Variants in NRG1 observed in about 807,000 individuals in gnomAD.
The protein encoded by NRG1 is neuregulin 1.
A neutral mutation model predicts 63.8 loss-of-function variants in NRG1; 18 were observed. That is an observed-to-expected ratio of 0.28 (90% CI 0.19 to 0.42). NRG1 has a LOEUF of 0.42. NRG1 is among the 10% of genes least tolerant of loss of function. The pLI, the probability that NRG1 is intolerant of heterozygous loss-of-function variation, is 1.00. For synonymous variants in NRG1, 302 were observed against 301.3 expected (o/e 1.00, Z -0.02); for missense variants, 762 against 814.7 (o/e 0.94, Z 0.79).
exon 12 of NRG1, chr8:32,764,529 T>C: frequency 1.2e-6 from 1 of 857,916 alleles, no homozygotes; most frequent in Non-Finnish European, 1.7e-6. Context: ...AAAACTTTTA[T>C]AAATTAAATA....
intron 1 of NRG1, among the ~76,000 whole-genome samples, chr8:32,033,183 C>T (rs1403428714): frequency 3.3e-5 from 5 of 151,318 alleles, no homozygotes; most frequent in Admixed American, 2.0e-4. Context: ...CAAGCTCCAC[C>T]TCCCGGGTTT....
rs115638675 is a variant in NRG1 at position 32,427,574 on chromosome 8, A to T, written c.38-168254A>T. On this transcript the variant is annotated intron_variant, in intron 1 of 10. Transcript: ENST00000519301. ...CAATCATCTTGTTACAGTTTATTAC[A>T]TGCGTGACTTGATTTTCTTGCATGT... Among the ~76,000 whole-genome samples, 795 of 152,322 alleles carry T rather than the reference A, an allele frequency of 5.2e-3. 12 individuals are homozygous for T. Among genetic ancestry groups the T allele is most frequent in the African/African-American group, 0.018 (756 of 41,570 alleles).
intron 1 of NRG1, among the ~76,000 whole-genome samples, chr8:32,436,412 T>C (rs1818794116): frequency 6.6e-6 from 1 of 152,322 alleles, no homozygotes; most frequent in East Asian, 1.9e-4. Flanking sequence ...TATTCCTCAA[T>C]CTTCATTCCT....
chr8:32,394,328 C>A (rs1260231442), intron 1 of NRG1, among the ~76,000 whole-genome samples: 1 of 152,154 alleles, frequency 6.6e-6, no homozygotes, highest in Admixed American at 6.5e-5. Flanking sequence ...TGTTATAATT[C>A]TTTCCTGTTA....
intron 7 of NRG1, 55 bp from the exon 8 acceptor site, chr8:32,754,317 C>G (rs757783422): frequency 6.7e-7 from 1 of 1,491,724 alleles, no homozygotes; most frequent in African/African-American, 1.4e-5. Context: ...TGGTTGTAGT[C>G]AGTCCTGGCA....
intron 5 of NRG1, among the ~76,000 whole-genome samples, chr8:32,648,867 C>T (rs1013853201): frequency 6.6e-6 from 1 of 152,170 alleles, no homozygotes; most frequent in African/African-American, 2.4e-5. Context: ...CTCTCCTTCC[C>T]GTTCCCTAAC....
intron 1 of NRG1, chr8:32,171,575 G>C (rs541596470): frequency 2.0e-5 from 3 of 152,448 alleles, no homozygotes; most frequent in Non-Finnish European, 4.4e-5. Flanking sequence ...AGTGCAAAGC[G>C]TCAGGGAATT....
intron 7 of NRG1, among the ~76,000 whole-genome samples, chr8:32,748,496 AT>A (rs1252828435): frequency 6.6e-6 from 1 of 150,842 alleles, no homozygotes; most frequent in South Asian, 2.1e-4. Flanking sequence ...TATTTTTTTT[AT>A]TTTTTTGGGG....
Position 32,742,327 on chromosome 8 carries a change from G to A in NRG1, c.633-348G>A, listed in dbSNP as rs961374725. 1.2e-4 allele frequency among the ~76,000 whole-genome samples: 19 copies of A among 152,050 alleles called. No individual in the cohort carries two copies. Among genetic ancestry groups the A allele is most frequent in the African/African-American group, 3.4e-4 (14 of 41,408 alleles). On this transcript the variant is annotated intron_variant, in intron 6 of 11. Coordinates refer to ENST00000356819, the Ensembl canonical transcript of NRG1. This position sits in a 1 kb window ranked among gnomAD's most constrained non-coding sequence, Gnocchi z 4.2. ...ACAAACTATTGCAGGCAAGCCAACC[G>A]AGAAACATTTTCTTCCAACGTGTGT...
intron 1 of NRG1, among the ~76,000 whole-genome samples, chr8:32,470,030 ATT>A (rs71208185): frequency 0.17 from 21,927 of 132,378 alleles, 1,509 homozygotes; most frequent in African/African-American, 0.18. Flanking sequence ...CGCCCAGCTA[ATT>A]TTTTTTTTTT....
intron 1 of NRG1, among the ~76,000 whole-genome samples, chr8:32,570,485 A>G (rs1273930003): frequency 6.6e-6 from 1 of 152,174 alleles, no homozygotes; most frequent in Non-Finnish European, 1.5e-5. Context: ...TTCAGAAAAG[A>G]AAGGGCCTGC....
intron 1 of NRG1, among the ~76,000 whole-genome samples, chr8:32,271,331 A>G (rs941820417): frequency 1.3e-5 from 2 of 152,188 alleles, no homozygotes; most frequent in African/African-American, 4.8e-5. Context: ...TTATTTAAGA[A>G]TGATTTAAGA....
intron 5 of NRG1, among the ~76,000 whole-genome samples, chr8:32,675,935 T>C (rs912207008): frequency 6.6e-6 from 1 of 152,222 alleles, no homozygotes; most frequent in African/African-American, 2.4e-5. Context: ...TTTCTAGCCA[T>C]TCTCAATTCA....
At chr8:32,393,175 T>C (rs1811996492) in intron 1 of NRG1, among the ~76,000 whole-genome samples, 1 of 152,212 alleles carries the variant, frequency 6.6e-6, no homozygotes. Flanking sequence ...TACTTTATTA[T>C]TTGGAGAAAG....
At chr8:32,580,735 T>C (rs1221239526) in intron 1 of NRG1, among the ~76,000 whole-genome samples, 1 of 152,172 alleles carries the variant, frequency 6.6e-6, no homozygotes, top group Non-Finnish European at 1.5e-5. Context: ...GGTAAAATTG[T>C]AACATAGTGT....
At chr8:32,319,516 C>G (rs1801134268) in intron 1 of NRG1, among the ~76,000 whole-genome samples, 5 of 152,120 alleles carry the variant, frequency 3.3e-5, no homozygotes, top group Admixed American at 3.3e-4. Context: ...GCAAACAACA[C>G]TAGACCCTTT....
intron 1 of NRG1, among the ~76,000 whole-genome samples, chr8:31,929,124 C>T (rs952078497): frequency 3.0e-4 from 46 of 152,276 alleles, no homozygotes; most frequent in African/African-American, 1.0e-3. Context: ...AACTGAGGTC[C>T]TTGGAAAATA....
chr8:31,838,477 C>T (rs1827537), intron 1 of NRG1, among the ~76,000 whole-genome samples: 29,334 of 152,052 alleles, frequency 0.19, 4,054 homozygotes, highest in East Asian at 0.68. Context: ...ATTTCAAAAA[C>T]AATTTCTGTT....
chr8:32,069,586 C>T (rs1179770286), intron 1 of NRG1, among the ~76,000 whole-genome samples: 1 of 152,156 alleles, frequency 6.6e-6, no homozygotes, highest in Non-Finnish European at 1.5e-5. Flanking sequence ...GAGAGAGACT[C>T]TAAATGGTGC....
Sources: allele counts gnomAD v4.1 joint callset (sites outside exome capture counted in the v4.1 genomes callset), GRCh38; gene constraint gnomAD v4.1.1; non-coding constraint Gnocchi (gnomAD v3.1); transcripts MANE v1.5; gene names NCBI Gene and HGNC (gene_info 2026-07-23, HGNC 2026-07-21).